SNTG1: variants seen among roughly 807,000 people sequenced by gnomAD.
SNTG1 encodes syntrophin gamma 1.
In SNTG1, 39 loss-of-function variants were observed where a neutral mutation model predicts 74.7. The observed-to-expected ratio is 0.52, with a 90% confidence interval of 0.40 to 0.68. The LOEUF (loss-of-function observed/expected upper bound fraction) is 0.68, where lower values mean the gene tolerates loss of function less well. Ranked by LOEUF, SNTG1 falls within the 30% of genes least tolerant of loss-of-function variation. SNTG1 has a pLI of 0.00. For synonymous variants in SNTG1, 254 were observed against 217.1 expected (o/e 1.17, Z -1.49); for missense variants, 685 against 609.5 (o/e 1.12, Z -1.30).
rs113553058 is a variant in SNTG1, at chr8:50,650,696, C to CATTT, written c.850-6196_850-6193dup. 1.6e-3 allele frequency among the ~76,000 whole-genome samples: 250 copies of CATTT among 151,936 alleles called. 1 individual carries two copies. The highest frequency in any genetic ancestry group is 5.7e-3 in the African/African-American group (236 of 41,466). On this transcript the variant is annotated intron_variant, in intron 13 of 18. Coordinates refer to ENST00000642720, the MANE Select transcript of SNTG1 (RefSeq NM_018967.5). Reference sequence around the variant, plus strand: ...GTCTAAGAATTAATATATTTCATTTCATTTATTTATTTATTTATTTTTTGA... The same window carrying CATTT: ...GTCTAAGAATTAATATATTTCATTTCATTTATTTATTTATTTATTTATTTTTTGA...
At chr8:50,211,421 A>G (rs1443512959) in intron 2 of SNTG1, among the ~76,000 whole-genome samples, 4 of 152,128 alleles carry the variant, frequency 2.6e-5, no homozygotes, top group Non-Finnish European at 5.9e-5. Context: ...TAATTGACTA[A>G]CATTGTTTAT....
At chr8:50,749,653 A>ACCAT (rs1396641678) in intron 17 of SNTG1, among the ~76,000 whole-genome samples, 1 of 151,982 alleles carries the variant, frequency 6.6e-6, no homozygotes, top group Non-Finnish European at 1.5e-5. Flanking sequence ...CATTCTAAAC[A>ACCAT]TCCTAGGACC....
intron 17 of SNTG1, among the ~76,000 whole-genome samples, chr8:50,743,654 A>AG (rs2095548770): frequency 1.4e-5 from 2 of 144,468 alleles, no homozygotes; most frequent in Admixed American, 1.4e-4. Context: ...GGCAAGAAAA[A>AG]AAAAAAGCCA....
chr8:50,062,560 T>C (rs1820567563), intron 1 of SNTG1, among the ~76,000 whole-genome samples: 1 of 152,220 alleles, frequency 6.6e-6, no homozygotes, highest in Admixed American at 6.5e-5. Context: ...TCACTAATGC[T>C]GCCAATTCTG....
At chr8:50,212,428 C>T (rs1009335121) in intron 2 of SNTG1, among the ~76,000 whole-genome samples, 7 of 152,126 alleles carry the variant, frequency 4.6e-5, no homozygotes, top group African/African-American at 1.7e-4. Flanking sequence ...TGCAGGATTA[C>T]ATGAACATAA....
At chr8:50,115,187 T>C (rs1033502010) in intron 1 of SNTG1, among the ~76,000 whole-genome samples, 2 of 152,138 alleles carry the variant, frequency 1.3e-5, no homozygotes, top group African/African-American at 4.8e-5. Context: ...CTTTCTGATA[T>C]TGTCTTGCAA....
At chr8:50,359,594 A>C (rs2091906187) in intron 2 of SNTG1, among the ~76,000 whole-genome samples, 1 of 152,182 alleles carries the variant, frequency 6.6e-6, no homozygotes, top group Non-Finnish European at 1.5e-5. Context: ...TTTGAATCTT[A>C]AGGAGATTTT....
Position 50,709,225 on chromosome 8 carries a change from GTATC to G in SNTG1, c.1284+256_1284+259del, listed in dbSNP as rs141858507. The G allele has an allele frequency of 2.3e-3, 1,025 of 444,106 alleles. 12 individuals carry two copies. Among genetic ancestry groups the G allele is most frequent in the African/African-American group, 0.019 (938 of 50,222 alleles). 27.5% of individuals were successfully genotyped at this position (444,106 alleles called of 1,614,324 possible). Reference sequence around the variant, plus strand: ...TTTATTTATAAGTCTATCTATGTATGTATCTATCTATCAATCATTTCCCTGTTTT... The same window carrying G: ...TTTATTTATAAGTCTATCTATGTATGTATCTATCAATCATTTCCCTGTTTT... On this transcript the variant is annotated intron_variant, in intron 17 of 18. Transcript: ENST00000642720.
At chr8:50,418,776 C>T (rs1424883457) in intron 4 of SNTG1, among the ~76,000 whole-genome samples, 2 of 152,048 alleles carry the variant, frequency 1.3e-5, no homozygotes, top group Non-Finnish European at 2.9e-5. Context: ...GTTTCCTATC[C>T]CAATAGAGTA....
intron 2 of SNTG1, among the ~76,000 whole-genome samples, chr8:50,263,099 A>G (rs944152063): frequency 1.3e-5 from 2 of 152,194 alleles, no homozygotes; most frequent in African/African-American, 4.8e-5. Context: ...TAATGTAACT[A>G]TGAACTTTTC....
intron 18 of SNTG1, among the ~76,000 whole-genome samples, chr8:50,753,429 G>T (rs986194390): frequency 6.6e-6 from 1 of 151,806 alleles, no homozygotes; most frequent in Non-Finnish European, 1.5e-5. Flanking sequence ...TATTATTCTG[G>T]CATTTATTCT....
At chr8:50,118,322 A>G (rs1207284593) in intron 1 of SNTG1, among the ~76,000 whole-genome samples, 1 of 152,166 alleles carries the variant, frequency 6.6e-6, no homozygotes, top group Non-Finnish European at 1.5e-5. Flanking sequence ...AAAAAATTAC[A>G]TGTACCATGA....
chr8:50,472,509 T>C (rs528084865), intron 8 of SNTG1, among the ~76,000 whole-genome samples: 2 of 152,168 alleles, frequency 1.3e-5, no homozygotes, highest in South Asian at 4.2e-4. Context: ...TCATACCATA[T>C]AAAAATTAAC....
intron 17 of SNTG1, among the ~76,000 whole-genome samples, chr8:50,723,574 A>T (rs2095492833): frequency 6.6e-6 from 1 of 152,134 alleles, no homozygotes. Flanking sequence ...TGACAACCAC[A>T]TAACTACAGG....
chr8:50,656,786 G>A, intron 13 of SNTG1, 123 bp from the exon 14 acceptor site: 4 of 641,986 alleles, frequency 6.2e-6, no homozygotes, highest in Non-Finnish European at 1.0e-5. Flanking sequence ...AATTTTATGT[G>A]AGTTTTTAAT....
At position 50,591,898 on chromosome 8, in the gene SNTG1, G is replaced by A. The variant is rs897771565; in HGVS notation, c.849+981G>A. ...AAATGCAGAGGTTGGAGAGATGTACGTGTCTTGCCACATGCTGCAGCAGCC... is the reference window on the plus strand; with the variant it reads ...AAATGCAGAGGTTGGAGAGATGTACATGTCTTGCCACATGCTGCAGCAGCC... On this transcript the variant is annotated intron_variant, in intron 13 of 18. Transcript: ENST00000642720. Among the ~76,000 whole-genome samples, 11 of 152,304 alleles carry A rather than the reference G, an allele frequency of 7.2e-5. No individual in the cohort carries two copies. In the East Asian group the frequency reaches 1.2e-3, roughly 16 times the overall value.
chr8:50,497,164 T>A lies in SNTG1; in HGVS notation c.364-5614T>A, dbSNP rs2093912126. 2.0e-5 allele frequency among the ~76,000 whole-genome samples: 3 copies of A among 152,066 alleles called. No individual in the cohort carries two copies. In the South Asian group the frequency reaches 6.2e-4, roughly 31 times the overall value. Reference sequence around the variant, plus strand: ...TTTATTATTGTTTAACGTTCTTATATTTTTCACTTATACTTGAAAAAAACT... The same window carrying A: ...TTTATTATTGTTTAACGTTCTTATAATTTTCACTTATACTTGAAAAAAACT... On this transcript the variant is annotated intron_variant, in intron 8 of 18. Transcript: ENST00000642720.
At chr8:49,922,689 G>A (rs1420777196) in intron 1 of SNTG1, among the ~76,000 whole-genome samples, 9 of 152,090 alleles carry the variant, frequency 5.9e-5, no homozygotes, top group Non-Finnish European at 1.0e-4. Flanking sequence ...GCAATAATAG[G>A]CAAGTTAACA....
At chr8:49,974,980 G>A (rs1812056889) in intron 1 of SNTG1, among the ~76,000 whole-genome samples, 1 of 152,022 alleles carries the variant, frequency 6.6e-6, no homozygotes, top group African/African-American at 2.4e-5. Flanking sequence ...CATGGAGAGT[G>A]CACAGGTCCA....
Sources: gnomAD v4.1 joint callset for allele counts (sites outside exome capture counted in the v4.1 genomes callset) on GRCh38, gnomAD v4.1.1 for gene constraint, MANE v1.5 for transcripts, NCBI Gene and HGNC (gene_info 2026-07-23, HGNC 2026-07-21) for gene names.